Variants in EDNRA observed in about 807,000 individuals in gnomAD.
EDNRA encodes the protein endothelin-1 receptor.
In EDNRA, 11 loss-of-function variants were observed where a neutral mutation model predicts 41.4. The ratio of observed to expected loss-of-function variants is 0.27; its 90% CI spans 0.17 to 0.44. The LOEUF is 0.44. Among genes scored for constraint, EDNRA ranks in the 20% least tolerant of loss-of-function variants. The pLI, the probability that EDNRA is intolerant of heterozygous loss-of-function variation, is 1.00. For missense variants in EDNRA, 294 were observed against 531.0 expected, an observed-to-expected ratio of 0.55 and a Z score of 4.39; for synonymous variants, 172 against 183.0, an observed-to-expected ratio of 0.94 and a Z score of 0.49.
rs188038823 is a variant in EDNRA, at chr4:147,538,826, G to A, written c.901-991G>A. Among the ~76,000 whole-genome samples, 7 of 152,176 alleles carry A rather than the reference G, an allele frequency of 4.6e-5. No individual in the cohort carries two copies. The East Asian group carries it at 5.8e-4, about 13-fold the overall frequency. ...CATGTGAGTTTATTGTAGGCTTCCCGGACTTAATGTTATATGTTTCAGGTT... is the reference window on the plus strand; with the variant it reads ...CATGTGAGTTTATTGTAGGCTTCCCAGACTTAATGTTATATGTTTCAGGTT... On this transcript the variant is annotated intron_variant, in intron 5 of 7. Coordinates refer to ENST00000651419, the MANE Select transcript of EDNRA (RefSeq NM_001957.4).
At position 147,519,431 on chromosome 4, in the gene EDNRA, C is replaced by T. The variant is rs1410048887; in HGVS notation, c.421-420C>T. Among the ~76,000 whole-genome samples, 1 of 151,964 alleles carries T rather than the reference C, an allele frequency of 6.6e-6. No homozygotes were observed. Among genetic ancestry groups the T allele is most frequent in the Non-Finnish European group, 1.5e-5 (1 of 67,984 alleles). ...GTCGGCTTCTCAGTTGAGCTGTCTC[C>T]CAAAATCCCAAACTTTTACTACTGT... On this transcript the variant is annotated intron_variant, in intron 2 of 7. Coordinates refer to ENST00000651419, the MANE Select transcript of EDNRA (RefSeq NM_001957.4). The surrounding 1 kb of genome is among the most constrained non-coding windows in gnomAD (Gnocchi z 4.1).
chr4:147,509,124 A>AT (rs1729832329), intron 2 of EDNRA, among the ~76,000 whole-genome samples: 2 of 151,966 alleles, frequency 1.3e-5, no homozygotes, highest in Admixed American at 6.6e-5. Context: ...TTTTTCTTTA[A>AT]TTTTTTTAGA....
intron 2 of EDNRA, among the ~76,000 whole-genome samples, chr4:147,496,219 AC>A (rs1382794294): frequency 6.6e-6 from 1 of 152,214 alleles, no homozygotes; most frequent in Non-Finnish European, 1.5e-5. Flanking sequence ...ATCTCTAACT[AC>A]TGTGAACTTT....
Position 147,542,873 on chromosome 4 carries a change from G to A in EDNRA, c.*255G>A. On this transcript the variant is annotated 3_prime_UTR_variant, in exon 8 of 8. Coordinates refer to ENST00000651419, the MANE Select transcript of EDNRA (RefSeq NM_001957.4). ...CAGCACTAAAAAATGGTGGGAGCTGGGGGAGAATGAAGACTGTTAAATGAA... is the reference window on the plus strand; with the variant it reads ...CAGCACTAAAAAATGGTGGGAGCTGAGGGAGAATGAAGACTGTTAAATGAA... 1 of 366,976 alleles carries A rather than the reference G, an allele frequency of 2.7e-6. No individual in the cohort carries two copies. Among genetic ancestry groups the A allele is most frequent in the Non-Finnish European group, 4.9e-6 (1 of 205,094 alleles). The allele number at this position is 366,976 out of a possible 1,614,324, so 22.7% of individuals were successfully genotyped here.
At chr4:147,536,676 G>T (rs1421013239) in intron 5 of EDNRA, among the ~76,000 whole-genome samples, 1 of 152,208 alleles carries the variant, frequency 6.6e-6, no homozygotes, top group Non-Finnish European at 1.5e-5. Context: ...AATGTCTAAT[G>T]TGAGACTTAT....
At chr4:147,518,541 G>A (rs936207156) in intron 2 of EDNRA, among the ~76,000 whole-genome samples, 4 of 152,090 alleles carry the variant, frequency 2.6e-5, no homozygotes, top group African/African-American at 9.7e-5. Flanking sequence ...GTTTTATAGG[G>A]TCTTAGCCAA....
intron 2 of EDNRA, chr4:147,491,647 G>A (rs1454390064): frequency 6.6e-6 from 1 of 152,164 alleles, no homozygotes; most frequent in Non-Finnish European, 1.5e-5. Context: ...GACATTATCA[G>A]TGGTATGCAT....
At chr4:147,483,714 T>C (rs1298021412) in intron 1 of EDNRA, among the ~76,000 whole-genome samples, 2 of 142,218 alleles carry the variant, frequency 1.4e-5, no homozygotes, top group Non-Finnish European at 3.0e-5. Context: ...TTTTACTTTT[T>C]ATTTATTTAA....
At chr4:147,503,559 T>C (rs1421598254) in intron 2 of EDNRA, among the ~76,000 whole-genome samples, 1 of 152,200 alleles carries the variant, frequency 6.6e-6, no homozygotes, top group Non-Finnish European at 1.5e-5. Context: ...TTGCAGTCGA[T>C]TAGAAATTGC....
intron 7 of EDNRA, among the ~76,000 whole-genome samples, chr4:147,541,769 G>A (rs940922416): frequency 6.6e-6 from 1 of 152,170 alleles, no homozygotes; most frequent in Non-Finnish European, 1.5e-5. Context: ...ATGTTTGCCA[G>A]TCACAAAACA....
chr4:147,505,886 G>T (rs1272699925), intron 2 of EDNRA, among the ~76,000 whole-genome samples: 1 of 152,012 alleles, frequency 6.6e-6, no homozygotes, highest in Non-Finnish European at 1.5e-5. Context: ...CTGACCAGGA[G>T]ATCCGCCCGC....
At chr4:147,532,775 C>A in intron 4 of EDNRA, 71 bp downstream of exon 4, 1 of 1,476,466 alleles carries the variant, frequency 6.8e-7, no homozygotes, top group Non-Finnish European at 9.4e-7. Context: ...CATCTTGAGA[C>A]TTGATGACAT....
chr4:147,510,617 C>T (rs1729886249), intron 2 of EDNRA, among the ~76,000 whole-genome samples: 1 of 152,098 alleles, frequency 6.6e-6, no homozygotes, highest in South Asian at 2.1e-4. Context: ...ATTATGTATA[C>T]AATATGATGC....
intron 3 of EDNRA, among the ~76,000 whole-genome samples, chr4:147,524,948 G>A (rs1338464743): frequency 6.6e-6 from 1 of 152,064 alleles, no homozygotes; most frequent in Non-Finnish European, 1.5e-5. Context: ...ATGAAACAAG[G>A]AATGAAAAGG....
At position 147,538,943 on chromosome 4, in the gene EDNRA, C is replaced by T. The variant is rs1731006718; in HGVS notation, c.901-874C>T. 2.0e-5 allele frequency among the ~76,000 whole-genome samples: 3 copies of T among 152,132 alleles called. No homozygotes were observed. In the South Asian group the frequency reaches 6.2e-4, roughly 31 times the overall value. On this transcript the variant is annotated intron_variant, in intron 5 of 7. Transcript: ENST00000651419. The stretch of plus-strand genomic sequence containing the variant: ...TACAGACAAGTTGCATTTTGTGTTC[C>T]TAGTCAGGCTTCTAAATGCATGCAA...
intron 3 of EDNRA, among the ~76,000 whole-genome samples, chr4:147,526,155 C>T (rs962420185): frequency 1.3e-5 from 2 of 152,218 alleles, no homozygotes; most frequent in South Asian, 4.1e-4. Flanking sequence ...TGTTCACTAT[C>T]GTACTGAGTT....
chr4:147,503,090 A>G (rs1729570995), intron 2 of EDNRA, among the ~76,000 whole-genome samples: 1 of 152,132 alleles, frequency 6.6e-6, no homozygotes, highest in Admixed American at 6.5e-5. Flanking sequence ...TTTAGTTTGG[A>G]TAAAAAAGAG....
At chr4:147,531,353 A>G (rs557137452) in intron 3 of EDNRA, among the ~76,000 whole-genome samples, 4 of 152,296 alleles carry the variant, frequency 2.6e-5, no homozygotes, top group African/African-American at 9.6e-5. Context: ...ATTTACCACA[A>G]ATAGGTATTT....
intron 5 of EDNRA, 114 bp from the exon 6 acceptor site, chr4:147,539,703 C>G (rs1224577953): frequency 1.6e-6 from 2 of 1,246,824 alleles, no homozygotes; most frequent in African/African-American, 3.0e-5. Flanking sequence ...GTTCTCCTGG[C>G]TCTTCTTTGA....
Sources: allele counts gnomAD v4.1 joint callset (sites outside exome capture counted in the v4.1 genomes callset), GRCh38; gene constraint gnomAD v4.1.1; non-coding constraint Gnocchi (gnomAD v3.1); transcripts MANE v1.5; gene names NCBI Gene and HGNC (gene_info 2026-07-23, HGNC 2026-07-21).